PP2D1: variants seen among roughly 807,000 people sequenced by gnomAD.
PP2D1 encodes protein phosphatase 2C-like domain-containing protein 1.
In PP2D1, 25 loss-of-function variants were observed where a neutral mutation model predicts 30.2. The observed-to-expected ratio is 0.83, with a 90% CI of 0.60 to 1.16. The LOEUF (loss-of-function observed/expected upper bound fraction) is 1.16, where lower values mean the gene tolerates loss of function less well. Ranked by LOEUF, PP2D1 falls within the 50% of genes most tolerant of loss-of-function variation. PP2D1 has a pLI of 0.00. For missense variants in PP2D1, 760 were observed against 742.4 expected (o/e 1.02, Z -0.28); for synonymous variants, 260 against 258.9 (o/e 1.00, Z -0.04).
intron 2 of PP2D1, among the ~76,000 whole-genome samples, chr3:19,998,337 A>G (rs1177483068): frequency 1.3e-5 from 2 of 152,232 alleles, no homozygotes; most frequent in Non-Finnish European, 2.9e-5. Context: ...CTCAAAAAAA[A>G]AAAAAGGTGC....
chr3:20,004,344 A>G (rs888825223), intron 1 of PP2D1, among the ~76,000 whole-genome samples: 1 of 152,218 alleles, frequency 6.6e-6, no homozygotes, highest in African/African-American at 2.4e-5. Flanking sequence ...AGTACACTCT[A>G]TGACGTTCAC....
chr3:20,012,041 A>T lies in PP2D1; in HGVS notation c.23+9T>A. On this transcript the variant is annotated intron_variant, in intron 1 of 2. Transcript: ENST00000389050. ...ACGTATTATCCAAAAAAGATTTAAG[A>T]AAGTTTACCTTAAAGCATTATTGGT... 3.9e-6 allele frequency: 6 copies of T among 1,529,444 alleles called. No homozygotes were observed. Among genetic ancestry groups the T allele is most frequent in the Non-Finnish European group, 5.3e-6 (6 of 1,141,600 alleles). 94.7% of individuals were successfully genotyped at this position (1,529,444 alleles called of 1,614,324 possible).
At chr3:20,004,460 A>G (rs956690037) in intron 1 of PP2D1, among the ~76,000 whole-genome samples, 21 of 152,208 alleles carry the variant, frequency 1.4e-4, no homozygotes, top group Admixed American at 7.2e-4. Flanking sequence ...GCCTTAAAAC[A>G]CTTGTGTTCT....
downstream of PP2D1, among the ~76,000 whole-genome samples, chr3:19,983,435 A>G (rs1037733949): frequency 6.6e-6 from 1 of 152,126 alleles, no homozygotes; most frequent in Non-Finnish European, 1.5e-5. Context: ...AGAGAATTAC[A>G]TAAAGCACTA....
At chr3:19,995,340 A>G (rs974717252) in intron 2 of PP2D1, among the ~76,000 whole-genome samples, 1 of 152,200 alleles carries the variant, frequency 6.6e-6, no homozygotes, top group African/African-American at 2.4e-5. Flanking sequence ...GTAGAGACAC[A>G]TGGGTGGAAC....
chr3:19,998,267 T>C (rs993228407), intron 2 of PP2D1, among the ~76,000 whole-genome samples: 2 of 151,846 alleles, frequency 1.3e-5, no homozygotes, highest in African/African-American at 2.4e-5. Context: ...GAGGCGGAGA[T>C]TGCAGTGAGC....
intron 1 of PP2D1, among the ~76,000 whole-genome samples, chr3:20,003,139 A>C (rs376073791): frequency 1.2e-4 from 18 of 152,098 alleles, no homozygotes; most frequent in African/African-American, 4.1e-4. Flanking sequence ...TGGCTGGCTT[A>C]TGTGTTTATG....
At chr3:19,987,710 G>C (rs1459626604) in intron 2 of PP2D1, among the ~76,000 whole-genome samples, 3 of 152,152 alleles carry the variant, frequency 2.0e-5, no homozygotes, top group African/African-American at 7.2e-5. Flanking sequence ...AGAAGTTTGA[G>C]ACCAGCTGGG....
intron 2 of PP2D1, among the ~76,000 whole-genome samples, chr3:19,988,688 C>T (rs9840653): frequency 0.28 from 42,356 of 152,040 alleles, 6,585 homozygotes; most frequent in East Asian, 0.68. Context: ...GGGGGCATCA[C>T]GGAACCTGCT....
intron 2 of PP2D1, among the ~76,000 whole-genome samples, chr3:19,994,429 G>A (rs926207016): frequency 3.3e-5 from 5 of 152,122 alleles, no homozygotes; most frequent in Admixed American, 3.3e-4. Flanking sequence ...CCAAGAGTTC[G>A]AGACCAGCCT....
At chr3:19,987,206 T>TA (rs1195567967) in intron 2 of PP2D1, among the ~76,000 whole-genome samples, 2 of 152,188 alleles carry the variant, frequency 1.3e-5, no homozygotes, top group African/African-American at 4.8e-5. Context: ...ATTGAAATCT[T>TA]ACAGTTTAAA....
chr3:20,010,783 C>T (rs1407600920), intron 1 of PP2D1, among the ~76,000 whole-genome samples: 1 of 151,936 alleles, frequency 6.6e-6, no homozygotes, highest in Non-Finnish European at 1.5e-5. Context: ...GCCTGGGCAA[C>T]AAGAGCGAAA....
chr3:20,009,622 C>A (rs1281769275), intron 1 of PP2D1, among the ~76,000 whole-genome samples: 1 of 152,046 alleles, frequency 6.6e-6, no homozygotes. Context: ...GAATTTGAAT[C>A]CTGTAAATTA....
At position 19,985,468 on chromosome 3, in the gene PP2D1, A is replaced by G. The variant is rs1327786754; in HGVS notation, c.1805T>C (p.Val602Ala). The G allele has an allele frequency of 6.5e-7, 1 of 1,536,136 alleles. No individual in the cohort carries two copies. Residue 602 changes from valine (V) to alanine (A), a missense_variant, in exon 3 of 3, where the codon GTA becomes GCA. Around this residue, in one of 3 missense-constraint regions of PP2D1, gnomAD observed 369 missense variants for 316.2 expected, o/e 1.17. Transcript: ENST00000389050. ...GAAEYVSHELVNAALLAGSRD... is the reference protein window; with the variant it reads ...GAAEYVSHELANAALLAGSRD... The stretch of plus-strand genomic sequence containing the variant: ...GGAGCCAGCCAGTAAAGCAGCATTT[A>G]CAAGTTCATGGCTAACATACTCAGC...
Position 20,001,847 on chromosome 3 carries a change from C to T in PP2D1, c.273G>A (p.Leu91=). The change falls in exon 2 of 3, where the codon CTG becomes CTA. Residue 91 remains leucine, a synonymous_variant. Coordinates refer to ENST00000389050, the MANE Select transcript of PP2D1 (RefSeq NM_001252657.2). ...HKKQHVALAT[L]GFQWMGRKKP... ...TCTTTCTACCCATCCATTGGAAACC[C>T]AGCGTGGCCAGAGCTACATGTTGCT... is the stretch of plus-strand genomic sequence containing the variant. 1 of 1,535,306 alleles carries T rather than the reference C, an allele frequency of 6.5e-7. No homozygotes were observed. The highest frequency in any genetic ancestry group is 8.7e-7 in the Non-Finnish European group (1 of 1,146,626).
intron 2 of PP2D1, among the ~76,000 whole-genome samples, chr3:19,997,377 C>T (rs1697194039): frequency 6.6e-6 from 1 of 151,176 alleles, no homozygotes; most frequent in African/African-American, 2.4e-5. Flanking sequence ...ACAAATTAGG[C>T]ATAGAAGAAA....
At chr3:19,989,051 G>C (rs1305104638) in intron 2 of PP2D1, among the ~76,000 whole-genome samples, 1 of 152,156 alleles carries the variant, frequency 6.6e-6, no homozygotes, top group African/African-American at 2.4e-5. Flanking sequence ...GCCTAAATTG[G>C]TGGCCAGTGT....
chr3:20,011,420 C>T (rs760106711), intron 1 of PP2D1, among the ~76,000 whole-genome samples: 3 of 151,996 alleles, frequency 2.0e-5, no homozygotes, highest in Non-Finnish European at 2.9e-5. Context: ...TTCCATACGC[C>T]GGGGACAGCC....
At chr3:19,981,278 A>T (rs993513208), downstream of PP2D1, among the ~76,000 whole-genome samples, 10 of 152,216 alleles carry the variant, frequency 6.6e-5, no homozygotes, top group African/African-American at 2.2e-4. Context: ...TTAACTTACT[A>T]CGGGATTACA....
Sources: allele counts gnomAD v4.1 joint callset (sites outside exome capture counted in the v4.1 genomes callset), GRCh38; gene constraint gnomAD v4.1.1; regional missense constraint gnomAD v4.1.1; transcripts MANE v1.5; gene names NCBI Gene and HGNC (gene_info 2026-07-23, HGNC 2026-07-21).